NISCH: variants seen among roughly 807,000 people sequenced by gnomAD.
The protein encoded by NISCH is nischarin.
Under a neutral mutation model 138.4 loss-of-function variants are expected in NISCH, and 55 were observed. The observed-to-expected ratio is 0.40, with a 90% confidence interval of 0.32 to 0.50. The LOEUF is 0.50. Among genes scored for constraint, NISCH ranks in the 20% least tolerant of loss-of-function variants. The pLI is 0.71. For missense variants in NISCH, 1,643 were observed against 2,005.5 expected (o/e 0.82, Z 3.45); for synonymous variants, 860 against 861.5 (o/e 1.00, Z 0.03).
chr3:52,459,216 G>A (rs536730627), intron 3 of NISCH, among the ~76,000 whole-genome samples: 1 of 152,334 alleles, frequency 6.6e-6, no homozygotes, highest in African/African-American at 2.4e-5. Flanking sequence ...CTAATTAAGG[G>A]ATTAGTCTGT....
intron 19 of NISCH, 99 bp from the exon 20 acceptor site, chr3:52,491,253 C>A: frequency 6.7e-7 from 1 of 1,491,028 alleles, no homozygotes; most frequent in Non-Finnish European, 8.9e-7. Context: ...GCCCTGGCCT[C>A]TGGGCTGAGG....
At chr3:52,490,920 CAT>C in intron 19 of NISCH, 87 bp downstream of exon 19, 1 of 1,550,910 alleles carries the variant, frequency 6.4e-7, no homozygotes, top group Non-Finnish European at 8.8e-7. Flanking sequence ...GGTGGGTTAT[CAT>C]AGACAGTTAT....
At chr3:52,474,834 C>T (rs1399542872) in intron 7 of NISCH, among the ~76,000 whole-genome samples, 1 of 152,212 alleles carries the variant, frequency 6.6e-6, no homozygotes, top group East Asian at 1.9e-4. Context: ...TAAGCTTTAG[C>T]AATCCCTGGC....
chr3:52,463,139 A>T (rs1706682917), intron 3 of NISCH, among the ~76,000 whole-genome samples: 1 of 152,208 alleles, frequency 6.6e-6, no homozygotes, highest in South Asian at 2.1e-4. Flanking sequence ...AGCCCCTGGC[A>T]GTCACTAATC....
Position 52,487,053 on chromosome 3 carries a change from C to A in NISCH, c.1704-143C>A. The stretch of plus-strand genomic sequence containing the variant: ...CCCACCAGGGCCCTCATCCTGGGAA[C>A]TGACTTGGCCATGTGGGAGGCTTGG... On this transcript the variant is annotated intron_variant, in intron 15 of 20. Coordinates refer to ENST00000345716, the MANE Select transcript of NISCH (RefSeq NM_007184.4). This position sits in a 1 kb window ranked among gnomAD's most constrained non-coding sequence, Gnocchi z 9.1. 1 of 921,760 alleles carries A rather than the reference C, an allele frequency of 1.1e-6. No individual in the cohort carries two copies. The highest frequency in any genetic ancestry group is 1.6e-6 in the Non-Finnish European group (1 of 623,904). 57.1% of individuals were successfully genotyped at this position (921,760 alleles called of 1,614,324 possible). A position where few individuals can be genotyped will look rare whatever the true frequency, so the allele number is the denominator to read the frequency against.
chr3:52,483,694 CCTGCAAGGG>C (rs1162626235), intron 13 of NISCH, among the ~76,000 whole-genome samples: 8 of 152,234 alleles, frequency 5.3e-5, no homozygotes, highest in Admixed American at 1.3e-4. Context: ...GATACCAAGG[CCTGCAAGGG>C]CTGGCCCCCT....
intron 7 of NISCH, 45 bp downstream of exon 7, chr3:52,473,874 G>A (rs1002635835): frequency 7.3e-7 from 1 of 1,370,910 alleles, no homozygotes; most frequent in Non-Finnish European, 1.0e-6. Flanking sequence ...CTGTGGATCA[G>A]GGTCCTGGGC....
intron 6 of NISCH, among the ~76,000 whole-genome samples, chr3:52,473,348 A>G (rs1437390311): frequency 6.6e-6 from 1 of 152,166 alleles, no homozygotes; most frequent in East Asian, 1.9e-4. Context: ...AAGACAGCTC[A>G]GTTCCATGGA....
Position 52,480,206 on chromosome 3 carries a change from C to T in NISCH, c.1439C>T (p.Ser480Leu). Residue 480 changes from serine to leucine, a missense_variant, in exon 13 of 21, where the codon TCA becomes TTA. By Grantham distance (145) the Ser-to-Leu change is moderately radical (BLOSUM62 -2). Transcript: ENST00000345716. The stretch of plus-strand genomic sequence containing the variant: ...CAGGGTGGTGAAGACTCCCGGCTCT[C>T]AGCTGCCCCCTGCATCAGACCCAGC... ...EKKGGEDSRL[S>L]AAPCIRPSSS... 6.2e-7 allele frequency: 1 copy of T among 1,613,994 alleles called. No homozygotes were observed. Among genetic ancestry groups the T allele is most frequent in the Non-Finnish European group, 8.5e-7 (1 of 1,180,008 alleles).
rs866887764 is a variant in NISCH, at chr3:52,455,620, C to A, written c.-22C>A. The stretch of plus-strand genomic sequence containing the variant: ...GCTGCTGCTAGTCTGCGCCGGGCGG[C>A]GGTGGCGGCGGAGACCCGAACATGG... On this transcript the variant is annotated 5_prime_UTR_variant, in exon 1 of 21. Transcript: ENST00000345716. The A allele has an allele frequency of 2.3e-6, 3 of 1,306,178 alleles. No individual in the cohort carries two copies. The highest frequency in any genetic ancestry group is 3.3e-5 in the Admixed American group (1 of 30,344). The allele number at this position is 1,306,178 out of a possible 1,614,324, so 80.9% of individuals were successfully genotyped here.
Position 52,490,785 on chromosome 3 carries a change from C to A in NISCH, c.3694C>A (p.Leu1232Met). The stretch of plus-strand genomic sequence containing the variant: ...GTGCTTCGTGCTAAAGCTTAGTGAC[C>A]TGCAGTCAGTCAATGTGGGGCTTTT... ...SQCFVLKLSDLQSVNVGLFDQ... is the reference protein window; with the variant it reads ...SQCFVLKLSDMQSVNVGLFDQ... Residue 1232 changes from leucine to methionine, a missense_variant, in exon 19 of 21, where the codon CTG becomes ATG. Physicochemically the swap from Leu to Met is conservative, Grantham distance 15. Transcript: ENST00000345716. The A allele has an allele frequency of 1.2e-6, 2 of 1,614,224 alleles. No individual in the cohort carries two copies. The highest frequency in any genetic ancestry group is 1.7e-6 in the Non-Finnish European group (2 of 1,180,042).
At chr3:52,464,403 A>G (rs1280863254) in intron 3 of NISCH, among the ~76,000 whole-genome samples, 1 of 151,762 alleles carries the variant, frequency 6.6e-6, no homozygotes, top group Non-Finnish European at 1.5e-5. Flanking sequence ...TAAAAAAACA[A>G]AAAAAACAAA....
intron 3 of NISCH, among the ~76,000 whole-genome samples, chr3:52,460,482 A>G (rs2153230632): frequency 6.6e-6 from 1 of 150,656 alleles, no homozygotes; most frequent in Non-Finnish European, 1.5e-5. Context: ...GGTCACTGCA[A>G]CCTCAAACTC....
intron 3 of NISCH, among the ~76,000 whole-genome samples, chr3:52,459,696 A>G (rs550207822): frequency 2.6e-5 from 4 of 151,928 alleles, no homozygotes; most frequent in African/African-American, 9.7e-5. Context: ...AGCCTCCCAA[A>G]GTGCTGGGAT....
At chr3:52,485,405 T>TG (rs1265535994) in intron 14 of NISCH, among the ~76,000 whole-genome samples, 1 of 152,224 alleles carries the variant, frequency 6.6e-6, no homozygotes, top group Non-Finnish European at 1.5e-5. Flanking sequence ...GGGAGGGACT[T>TG]GCCAGGGCTG....
chr3:52,463,037 C>T (rs530606123), intron 3 of NISCH, among the ~76,000 whole-genome samples: 6 of 152,286 alleles, frequency 3.9e-5, no homozygotes, highest in South Asian at 2.1e-4. Context: ...CAAAGTTGAG[C>T]GACCATCACC....
intron 14 of NISCH, 88 bp from the exon 15 acceptor site, chr3:52,485,690 A>G (rs1707383808): frequency 7.0e-7 from 1 of 1,436,628 alleles, no homozygotes. Context: ...GATGGAGGGC[A>G]GAATGCCCAG....
rs1476108655 is a variant in NISCH, at chr3:52,473,730, C to G, written c.670-4C>G. On this transcript the variant is annotated splice_region_variant and splice_polypyrimidine_tract_variant and intron_variant, in intron 6 of 20. Coordinates refer to ENST00000345716, the MANE Select transcript of NISCH (RefSeq NM_007184.4). ...TTCTGAGATGCAGCTGTTCTTTGTT[C>G]CAGATAAGTCACTGTGATGCTAAGC... The G allele has an allele frequency of 1.3e-6, 2 of 1,579,470 alleles. No individual in the cohort carries two copies. The highest frequency in any genetic ancestry group is 4.5e-5 in the East Asian group (2 of 44,002).
chr3:52,471,960 C>A lies in NISCH; in HGVS notation c.556C>A (p.Arg186Ser), dbSNP rs768512522. The change falls in exon 5 of 21, where the codon CGC (arginine) becomes AGC (serine). Residue 186 changes from arginine (R) to serine (S), a missense_variant. By Grantham distance (110) the Arg-to-Ser change is moderately radical. Transcript: ENST00000345716. ...CGGGCACATCCTGGACTTCACCTGTCGCCTTAAGTACCTTAAGGTAAAGCT... is the reference window on the plus strand; with the variant it reads ...CGGGCACATCCTGGACTTCACCTGTAGCCTTAAGTACCTTAAGGTAAAGCT... ...DLGHILDFTCRLKYLKVSGTE... is the reference protein window; with the variant it reads ...DLGHILDFTCSLKYLKVSGTE... 1 of 1,599,624 alleles carries A rather than the reference C, an allele frequency of 6.3e-7. No homozygotes were observed. Among genetic ancestry groups the A allele is most frequent in the South Asian group, 1.1e-5 (1 of 89,640 alleles).
Sources: allele counts gnomAD v4.1 joint callset (sites outside exome capture counted in the v4.1 genomes callset), GRCh38; gene constraint gnomAD v4.1.1; non-coding constraint Gnocchi (gnomAD v3.1); transcripts MANE v1.5; gene names NCBI Gene and HGNC (gene_info 2026-07-23, HGNC 2026-07-21).